The following MBOAT1 variants were observed in gnomAD, a reference collection of about 807,000 sequenced individuals.
MBOAT1 encodes the protein membrane bound glycerophospholipid O-acyltransferase 1.
MBOAT1 carries 67 observed loss-of-function variants against 64.4 expected under a neutral mutation model. The ratio of observed to expected loss-of-function variants is 1.04; its 90% CI spans 0.85 to 1.27. The LOEUF (loss-of-function observed/expected upper bound fraction) is 1.27, where lower values mean the gene tolerates loss of function less well. MBOAT1 is among the 50% of genes most tolerant of loss of function. The pLI is 0.00. For missense variants in MBOAT1, 563 were observed against 604.6 expected (o/e 0.93, Z 0.72); for synonymous variants, 229 against 218.9 (o/e 1.05, Z -0.41).
intron 1 of MBOAT1, among the ~76,000 whole-genome samples, chr6:20,190,572 G>A (rs1367133583): frequency 6.6e-6 from 1 of 152,094 alleles, no homozygotes; most frequent in African/African-American, 2.4e-5. Flanking sequence ...ACTTTTCAAT[G>A]TGGCCTCATT....
chr6:20,141,805 G>A (rs1761185075), intron 4 of MBOAT1, among the ~76,000 whole-genome samples: 1 of 152,086 alleles, frequency 6.6e-6, no homozygotes, highest in Admixed American at 6.5e-5. Context: ...GTGGCGGTGG[G>A]CATGAAGGGC....
At chr6:20,131,783 G>T (rs1305198204) in intron 4 of MBOAT1, among the ~76,000 whole-genome samples, 1 of 152,148 alleles carries the variant, frequency 6.6e-6, no homozygotes, top group Non-Finnish European at 1.5e-5. Context: ...TGAATAAGAA[G>T]ATCACATTAG....
intron 8 of MBOAT1, among the ~76,000 whole-genome samples, chr6:20,119,502 T>G (rs1480905767): frequency 6.6e-6 from 1 of 152,218 alleles, no homozygotes; most frequent in Non-Finnish European, 1.5e-5. Context: ...GAAATCTTCC[T>G]TTTTCTATAA....
chr6:20,105,810 GT>G (rs1379060786), intron 12 of MBOAT1, among the ~76,000 whole-genome samples: 2 of 152,120 alleles, frequency 1.3e-5, no homozygotes, highest in Non-Finnish European at 1.5e-5. Context: ...AAATTCTAAC[GT>G]TATTACCCAC....
intron 4 of MBOAT1, among the ~76,000 whole-genome samples, chr6:20,133,937 C>T (rs781288679): frequency 1.3e-5 from 2 of 152,178 alleles, no homozygotes; most frequent in African/African-American, 4.8e-5. Context: ...CTGCTCCCAG[C>T]TATGACTGAG....
intron 1 of MBOAT1, among the ~76,000 whole-genome samples, chr6:20,186,998 T>C (rs983959507): frequency 1.3e-5 from 2 of 152,264 alleles, no homozygotes; most frequent in African/African-American, 4.8e-5. Flanking sequence ...GTTAAACTTA[T>C]TGGGATAAAA....
Position 20,167,949 on chromosome 6 carries a change from G to A in MBOAT1, c.100-15180C>T, listed in dbSNP as rs551809991. On this transcript the variant is annotated intron_variant, in intron 1 of 12. Coordinates refer to ENST00000324607, the MANE Select transcript of MBOAT1 (RefSeq NM_001080480.3). Reference sequence around the variant, plus strand: ...GAGAAAAGCTCAAAGTCACTAATTAGAGTTGATGAATTTCCCTGCACATCC... The same window carrying A: ...GAGAAAAGCTCAAAGTCACTAATTAAAGTTGATGAATTTCCCTGCACATCC... Among the ~76,000 whole-genome samples the A allele has an allele frequency of 2.2e-4, 33 of 152,232 alleles. No homozygotes were observed. In the East Asian group the frequency reaches 6.2e-3, roughly 29 times the overall value.
intron 10 of MBOAT1, among the ~76,000 whole-genome samples, chr6:20,114,349 T>C (rs546447936): frequency 6.6e-6 from 1 of 152,322 alleles, no homozygotes; most frequent in African/African-American, 2.4e-5. Context: ...GGACAGCATA[T>C]TATTATTTCT....
intron 1 of MBOAT1, among the ~76,000 whole-genome samples, chr6:20,164,149 A>G (rs566543009): frequency 1.3e-5 from 2 of 149,080 alleles, no homozygotes; most frequent in East Asian, 3.9e-4. Flanking sequence ...AAATATATGT[A>G]TTTAATATAG....
At chr6:20,159,284 G>A (rs2479094) in intron 1 of MBOAT1, among the ~76,000 whole-genome samples, 151,404 of 152,138 alleles carry the variant, frequency 1, 75,340 homozygotes, top group Middle Eastern at 1. Context: ...CTGCATTACC[G>A]TCTGAACTCC....
intron 4 of MBOAT1, among the ~76,000 whole-genome samples, chr6:20,132,500 T>C (rs1445923255): frequency 2.0e-5 from 3 of 152,176 alleles, no homozygotes; most frequent in Non-Finnish European, 4.4e-5. Flanking sequence ...GGTATCTTAA[T>C]GAGGGGAAGA....
chr6:20,171,477 C>T lies in MBOAT1; in HGVS notation c.100-18708G>A, dbSNP rs545916858. 2.6e-4 allele frequency among the ~76,000 whole-genome samples: 39 copies of T among 151,542 alleles called. 1 individual carries two copies. The highest frequency in any genetic ancestry group is 9.0e-4 in the African/African-American group (37 of 41,316). On this transcript the variant is annotated intron_variant, in intron 1 of 12. Transcript: ENST00000324607. ...CTGAGGCAGGAGGATCACTTGAGCC[C>T]GGGAGGTCTAGGCTGCAGTGAGCTA...
intron 11 of MBOAT1, 151 bp from the exon 12 acceptor site, chr6:20,109,900 GACT>G: frequency 2.8e-6 from 1 of 358,980 alleles, no homozygotes. Flanking sequence ...ATACCATCAG[GACT>G]TTTTTTTTTT....
intron 3 of MBOAT1, among the ~76,000 whole-genome samples, chr6:20,146,932 A>C (rs181510737): frequency 4.7e-4 from 71 of 152,254 alleles, no homozygotes; most frequent in Middle Eastern, 3.4e-3. Context: ...TCTCATCTTA[A>C]ATTGTAGCTC....
At chr6:20,135,221 T>TA (rs2113667085) in intron 4 of MBOAT1, among the ~76,000 whole-genome samples, 1 of 152,142 alleles carries the variant, frequency 6.6e-6, no homozygotes, top group Admixed American at 6.5e-5. Flanking sequence ...TTTTCATTAT[T>TA]AAAAAAAGCC....
At chr6:20,207,231 C>G (rs1393291715) in intron 1 of MBOAT1, among the ~76,000 whole-genome samples, 1 of 152,174 alleles carries the variant, frequency 6.6e-6, no homozygotes, top group Non-Finnish European at 1.5e-5. Context: ...CCGCAAAACC[C>G]TTGCTTCCTC....
intron 1 of MBOAT1, among the ~76,000 whole-genome samples, chr6:20,181,869 T>G (rs567058072): frequency 4.6e-5 from 7 of 152,178 alleles, no homozygotes; most frequent in Non-Finnish European, 1.0e-4. Context: ...AGTTTACATC[T>G]ATAGTAAATT....
At chr6:20,193,840 C>T (rs557534366) in intron 1 of MBOAT1, among the ~76,000 whole-genome samples, 60 of 152,150 alleles carry the variant, frequency 3.9e-4, no homozygotes, top group South Asian at 1.0e-3. Context: ...CTCTTGACCT[C>T]ATGATCTGCC....
chr6:20,191,146 G>A (rs572356076), intron 1 of MBOAT1, among the ~76,000 whole-genome samples: 60 of 152,300 alleles, frequency 3.9e-4, no homozygotes, highest in African/African-American at 6.7e-4. Flanking sequence ...TGTCATTACT[G>A]TAAAATCCAG....
Sources: gnomAD v4.1 joint callset for allele counts (sites outside exome capture counted in the v4.1 genomes callset) on GRCh38, gnomAD v4.1.1 for gene constraint, MANE v1.5 for transcripts, NCBI Gene and HGNC (gene_info 2026-07-23, HGNC 2026-07-21) for gene names.